VPS54: variants seen among roughly 807,000 people sequenced by gnomAD.
VPS54 encodes the protein VPS54 subunit of GARP complex.
Under a neutral mutation model 121.5 loss-of-function variants are expected in VPS54, and 45 were observed. That is an observed-to-expected ratio of 0.37 (90% CI 0.29 to 0.47). VPS54 has a LOEUF of 0.47. Ranked by LOEUF, VPS54 falls within the 20% of genes least tolerant of loss-of-function variation. VPS54 has a pLI of 0.99. For synonymous variants in VPS54, 371 were observed against 385.8 expected (o/e 0.96, Z 0.45); for missense variants, 1,090 against 1,131.4 (o/e 0.96, Z 0.52).
intron 9 of VPS54, among the ~76,000 whole-genome samples, chr2:63,946,389 G>A (rs1208435366): frequency 1.3e-5 from 2 of 152,108 alleles, no homozygotes; most frequent in African/African-American, 2.4e-5. Context: ...TTTCTGTTGG[G>A]TGCATACCTA....
intron 17 of VPS54, 31 bp from the exon 18 acceptor site, chr2:63,913,341 A>T: frequency 6.5e-7 from 1 of 1,547,364 alleles, no homozygotes; most frequent in Non-Finnish European, 8.8e-7. Flanking sequence ...AAACCCCAAA[A>T]TTTACTAAAA....
At position 63,976,823 on chromosome 2, in the gene VPS54, C is replaced by CTTTTTTTTTTTTTT. The variant is rs1481086180; in HGVS notation, c.379-4580_379-4579insAAAAAAAAAAAAAA. Among the ~76,000 whole-genome samples, 2 of 68,040 alleles carry CTTTTTTTTTTTTTT rather than the reference C, an allele frequency of 2.9e-5. 1 individual carries two copies. The allele number at this position is 68,040 out of a possible 152,430, so 44.6% of individuals were successfully genotyped here. A position where few individuals can be genotyped will look rare whatever the true frequency, so the allele number is the denominator to read the frequency against. On this transcript the variant is annotated intron_variant, in intron 3 of 22. Transcript: ENST00000272322. ...TTTTGATACTAGTAGCTTATATCTT[C>CTTTTTTTTTTTTTT]TCTTTTTTTTTTTTTTTTTTTTTGA...
At chr2:63,947,262 C>T in intron 9 of VPS54, 121 bp downstream of exon 9, 2 of 955,092 alleles carry the variant, frequency 2.1e-6, no homozygotes, top group South Asian at 2.2e-5. Flanking sequence ...TCTAAATTTT[C>T]AGTTTTTACA....
At chr2:63,994,691 A>T (rs1158370775) in intron 1 of VPS54, among the ~76,000 whole-genome samples, 1 of 152,202 alleles carries the variant, frequency 6.6e-6, no homozygotes, top group Non-Finnish European at 1.5e-5. Context: ...CTCCTTTAAG[A>T]CAAATGAAAG....
intron 12 of VPS54, among the ~76,000 whole-genome samples, chr2:63,926,053 C>G (rs899299025): frequency 5.9e-5 from 9 of 152,116 alleles, no homozygotes; most frequent in Non-Finnish European, 1.2e-4. Context: ...TTAGTTCTAC[C>G]CAAATTACAT....
At chr2:64,018,746 G>T (rs1417046413) in intron 1 of VPS54, among the ~76,000 whole-genome samples, 192 bp downstream of exon 1, 1 of 58,588 alleles carries the variant, frequency 1.7e-5, no homozygotes, top group Non-Finnish European at 3.9e-5. Flanking sequence ...AGAGTGAAAA[G>T]GAAAAAAAAA....
intron 7 of VPS54, among the ~76,000 whole-genome samples, chr2:63,954,940 T>G (rs868141811): frequency 6.6e-6 from 1 of 152,130 alleles, no homozygotes; most frequent in African/African-American, 2.4e-5. Context: ...AATTGCAATA[T>G]ATAGATATTA....
rs757389211 is a variant in VPS54, at chr2:63,933,884, A to G, written c.1528T>C (p.Tyr510His). The G allele has an allele frequency of 6.2e-7, 1 of 1,613,804 alleles. No homozygotes were observed. The highest frequency in any genetic ancestry group is 8.5e-7 in the Non-Finnish European group (1 of 1,179,840). The change falls in exon 12 of 23, where the codon TAT (tyrosine) becomes CAT (histidine). Residue 510 changes from tyrosine to histidine, a missense_variant. Transcript: ENST00000272322. ...KDNSLDTEVA[Y>H]LIHEGMFISD... ...ATAAACATGCCTTCATGGATTAAAT[A>G]AGCCACCTCTGTGTCCAGTGAATTA...
chr2:63,948,909 G>A, intron 8 of VPS54, 128 bp downstream of exon 8: 2 of 1,089,322 alleles, frequency 1.8e-6, no homozygotes, highest in Non-Finnish European at 2.6e-6. Context: ...AGCTAGTGAA[G>A]GACTTCATAG....
intron 4 of VPS54, among the ~76,000 whole-genome samples, chr2:63,971,075 C>A (rs967475776): frequency 6.6e-6 from 1 of 152,124 alleles, no homozygotes; most frequent in Admixed American, 6.5e-5. Flanking sequence ...CTGTCACCCA[C>A]CCAGTTGTCC....
At position 63,942,613 on chromosome 2, in the gene VPS54, T is replaced by C. The variant is rs2104511004; in HGVS notation, c.1302-52A>G. On this transcript the variant is annotated intron_variant, in intron 10 of 22. Coordinates refer to ENST00000272322, the MANE Select transcript of VPS54 (RefSeq NM_016516.3). ...TAATGATTGTCTCTGGGCCAATCAA[T>C]ATAACATCTACAAACTGGAAGAAAT... The C allele has an allele frequency of 2.1e-6, 3 of 1,405,220 alleles. No individual in the cohort carries two copies. The South Asian group carries it at 4.0e-5, about 19-fold the overall frequency. 87.0% of individuals were successfully genotyped at this position (1,405,220 alleles called of 1,614,324 possible). A position where few individuals can be genotyped will look rare whatever the true frequency, so the allele number is the denominator to read the frequency against.
intron 9 of VPS54, among the ~76,000 whole-genome samples, chr2:63,946,367 C>G (rs778207745): frequency 1.4e-4 from 21 of 152,018 alleles, no homozygotes; most frequent in Non-Finnish European, 2.8e-4. Flanking sequence ...TTTTGGTGAA[C>G]TTATATACAT....
chr2:63,903,480 AT>A (rs201475058), intron 20 of VPS54, among the ~76,000 whole-genome samples: 5,230 of 152,282 alleles, frequency 0.034, 209 homozygotes, highest in African/African-American at 0.1. Context: ...TCATTTTTTC[AT>A]AAAAATGAGG....
chr2:63,927,944 G>A (rs566480004), intron 12 of VPS54, among the ~76,000 whole-genome samples: 29 of 152,260 alleles, frequency 1.9e-4, no homozygotes, highest in Non-Finnish European at 3.7e-4. Context: ...GAAATAAAGC[G>A]AGAAGACAAG....
At chr2:63,966,149 A>G (rs376634140) in intron 5 of VPS54, among the ~76,000 whole-genome samples, 183 bp from the exon 6 acceptor site, 2 of 152,218 alleles carry the variant, frequency 1.3e-5, no homozygotes, top group East Asian at 3.8e-4. Flanking sequence ...TTTCTCACCA[A>G]GCTTAAAATA....
At chr2:64,001,458 C>T (rs57202709) in intron 1 of VPS54, among the ~76,000 whole-genome samples, 12,906 of 152,192 alleles carry the variant, frequency 0.085, 922 homozygotes, top group African/African-American at 0.2. Context: ...GTAGCCACTA[C>T]AGCTGGGAAT....
chr2:63,984,153 T>G, intron 1 of VPS54, 134 bp from the exon 2 acceptor site: 1 of 729,488 alleles, frequency 1.4e-6, no homozygotes, highest in African/African-American at 1.8e-5. Context: ...ATATTTGCTC[T>G]TAATTGGGAA....
At chr2:63,910,465 A>T (rs1673100836) in intron 20 of VPS54, among the ~76,000 whole-genome samples, 1 of 152,240 alleles carries the variant, frequency 6.6e-6, no homozygotes, top group Non-Finnish European at 1.5e-5. Flanking sequence ...AAATTATTAT[A>T]AAAAGACATT....
intron 12 of VPS54, among the ~76,000 whole-genome samples, chr2:63,927,024 C>T (rs1469602000): frequency 6.6e-6 from 1 of 152,210 alleles, no homozygotes; most frequent in Non-Finnish European, 1.5e-5. Flanking sequence ...GGGCAGAGCA[C>T]ACCGCAGCTC....
Sources: gnomAD v4.1 joint callset for allele counts (sites outside exome capture counted in the v4.1 genomes callset) on GRCh38, gnomAD v4.1.1 for gene constraint, MANE v1.5 for transcripts, NCBI Gene and HGNC (gene_info 2026-07-23, HGNC 2026-07-21) for gene names.